The following FAM13C variants were observed in gnomAD, a reference collection of about 807,000 sequenced individuals.
FAM13C encodes the protein family with sequence similarity 13 member C.
In FAM13C, 37 loss-of-function variants were observed where a neutral mutation model predicts 73.2. The ratio of observed to expected loss-of-function variants is 0.51; its 90% CI spans 0.39 to 0.67. The LOEUF is 0.67. Among genes scored for constraint, FAM13C ranks in the 30% least tolerant of loss-of-function variants. FAM13C has a pLI of 0.00. For missense variants in FAM13C, 589 were observed against 715.6 expected, an observed-to-expected ratio of 0.82 and a Z score of 2.02; for synonymous variants, 246 against 260.9, an observed-to-expected ratio of 0.94 and a Z score of 0.55.
At chr10:59,358,708 G>A (rs559411810) in intron 1 of FAM13C, among the ~76,000 whole-genome samples, 9 of 152,272 alleles carry the variant, frequency 5.9e-5, no homozygotes, top group Admixed American at 2.6e-4. Flanking sequence ...CCCCTCATTT[G>A]ATTTATTAAT....
At chr10:59,290,147 C>A (rs1166879638) in intron 5 of FAM13C, among the ~76,000 whole-genome samples, 1 of 152,186 alleles carries the variant, frequency 6.6e-6, no homozygotes, top group African/African-American at 2.4e-5. Context: ...TTAGAAAATA[C>A]TCTACTCATT....
At chr10:59,329,079 C>T (rs370412177) in intron 3 of FAM13C, among the ~76,000 whole-genome samples, 1 of 152,068 alleles carries the variant, frequency 6.6e-6, no homozygotes, top group African/African-American at 2.4e-5. Context: ...GGGTAAAGAG[C>T]GTCCTGTACG....
chr10:59,317,610 A>G (rs945572318), intron 4 of FAM13C, among the ~76,000 whole-genome samples: 2 of 152,124 alleles, frequency 1.3e-5, no homozygotes, highest in African/African-American at 2.4e-5. Context: ...TAATTAACCT[A>G]CTGCTTATTA....
At chr10:59,302,565 G>T (rs1240709025) in intron 5 of FAM13C, among the ~76,000 whole-genome samples, 1 of 152,128 alleles carries the variant, frequency 6.6e-6, no homozygotes, top group Non-Finnish European at 1.5e-5. Flanking sequence ...AATGACTGCT[G>T]GACTTGGGTT....
At chr10:59,260,619 A>G (rs536915613) in intron 10 of FAM13C, among the ~76,000 whole-genome samples, 134 of 152,242 alleles carry the variant, frequency 8.8e-4, no homozygotes, top group African/African-American at 3.1e-3. Context: ...TATCCTGCAT[A>G]GTACTTATCA....
intron 4 of FAM13C, among the ~76,000 whole-genome samples, chr10:59,310,100 C>T (rs184067633): frequency 1.3e-5 from 2 of 152,272 alleles, no homozygotes; most frequent in Admixed American, 1.3e-4. Flanking sequence ...AAGAGAGCAT[C>T]CAACACACTT....
chr10:59,250,642 C>A (rs1182474450), intron 13 of FAM13C, among the ~76,000 whole-genome samples: 2 of 152,174 alleles, frequency 1.3e-5, no homozygotes, highest in African/African-American at 4.8e-5. Context: ...CCTCAACCTG[C>A]TGAACTGAAA....
At chr10:59,261,115 T>C (rs1216658704) in intron 10 of FAM13C, among the ~76,000 whole-genome samples, 1 of 152,152 alleles carries the variant, frequency 6.6e-6, no homozygotes, top group Non-Finnish European at 1.5e-5. Flanking sequence ...TTCAGAAGCA[T>C]TGAAGGATGG....
At chr10:59,287,912 C>T (rs1026578707) in intron 5 of FAM13C, among the ~76,000 whole-genome samples, 2 of 152,202 alleles carry the variant, frequency 1.3e-5, no homozygotes, top group Admixed American at 6.5e-5. Context: ...CTTTACCCCC[C>T]AGGGTCTTAT....
intron 10 of FAM13C, among the ~76,000 whole-genome samples, chr10:59,259,838 T>A (rs1842319452): frequency 6.6e-6 from 1 of 152,170 alleles, no homozygotes; most frequent in African/African-American, 2.4e-5. Flanking sequence ...CATGCCTCAG[T>A]AGGATGACCA....
chr10:59,307,216 G>C (rs1278662242), intron 4 of FAM13C, among the ~76,000 whole-genome samples: 3 of 152,162 alleles, frequency 2.0e-5, no homozygotes, highest in Non-Finnish European at 4.4e-5. Context: ...GGCACTCTAA[G>C]TGTGTTCAGC....
At chr10:59,286,542 TTCATC>T (rs1845586301) in intron 5 of FAM13C, among the ~76,000 whole-genome samples, 2 of 140,672 alleles carry the variant, frequency 1.4e-5, no homozygotes, top group African/African-American at 2.6e-5. Flanking sequence ...TATATATATA[TTCATC>T]ATACAGAAAG....
At position 59,271,209 on chromosome 10, in the gene FAM13C, T is replaced by C. The variant is rs188870670; in HGVS notation, c.593-1100A>G. ...TCCAACGAAAGGGGAAAACAAAAGATTTTCTGGATGAATAAGCAGAATCAG... is the reference window on the plus strand; with the variant it reads ...TCCAACGAAAGGGGAAAACAAAAGACTTTCTGGATGAATAAGCAGAATCAG... On this transcript the variant is annotated intron_variant, in intron 6 of 13. Transcript: ENST00000618804. Among the ~76,000 whole-genome samples, 43 of 152,330 alleles carry C rather than the reference T, an allele frequency of 2.8e-4. No homozygotes were observed. The East Asian group carries it at 6.9e-3, about 25-fold the overall frequency.
At chr10:59,302,765 A>C in intron 5 of FAM13C, 36 bp downstream of exon 5, 1 of 1,579,500 alleles carries the variant, frequency 6.3e-7, no homozygotes. Flanking sequence ...TGATTGGCTA[A>C]TTCATGTTCT....
Position 59,246,510 on chromosome 10 carries a change from T to TTGG in FAM13C, c.*1101_*1103dup, listed in dbSNP as rs1217203564. 5.1e-6 allele frequency: 2 copies of TTGG among 390,832 alleles called. No homozygotes were observed. Among genetic ancestry groups the TTGG allele is most frequent in the Non-Finnish European group, 9.0e-6 (2 of 221,110 alleles). The allele number at this position is 390,832 out of a possible 1,614,324, so 24.2% of individuals were successfully genotyped here. A position where few individuals can be genotyped will look rare whatever the true frequency, so the allele number is the denominator to read the frequency against. On this transcript the variant is annotated 3_prime_UTR_variant, in exon 14 of 14. Coordinates refer to ENST00000618804, the MANE Select transcript of FAM13C (RefSeq NM_198215.4). Reference sequence around the variant, plus strand: ...ACAGAAAATAGAAATACAAACAAGGTTGGTACATGAGAGAAAATGTTGACC... The same window carrying TTGG: ...ACAGAAAATAGAAATACAAACAAGGTTGGTGGTACATGAGAGAAAATGTTGACC...
chr10:59,337,501 G>A (rs546483226), intron 3 of FAM13C, among the ~76,000 whole-genome samples: 3 of 152,174 alleles, frequency 2.0e-5, no homozygotes, highest in Non-Finnish European at 4.4e-5. Flanking sequence ...TGACTGGCTA[G>A]CTTACAAAAG....
chr10:59,318,137 CTTAT>C (rs1481117328), intron 4 of FAM13C, among the ~76,000 whole-genome samples: 4 of 151,868 alleles, frequency 2.6e-5, no homozygotes, highest in African/African-American at 9.7e-5. Context: ...CAGTGTTTCA[CTTAT>C]TTGATTATTA....
chr10:59,277,937 C>T (rs1272242014), intron 6 of FAM13C, among the ~76,000 whole-genome samples: 2 of 152,140 alleles, frequency 1.3e-5, no homozygotes, highest in African/African-American at 2.4e-5. Flanking sequence ...TGTATTAGTT[C>T]GTTTTCATGT....
At position 59,265,333 on chromosome 10, in the gene FAM13C, G is replaced by GC. The variant is rs1375857639; in HGVS notation, c.943-1168_943-1167insG. 9.6e-4 allele frequency among the ~76,000 whole-genome samples: 58 copies of GC among 60,330 alleles called. 2 individuals are homozygous for GC. The highest frequency in any genetic ancestry group is 2.3e-3 in the South Asian group (3 of 1,292). The allele number at this position is 60,330 out of a possible 152,430, so 39.6% of individuals were successfully genotyped here. On this transcript the variant is annotated intron_variant, in intron 8 of 13. Coordinates refer to ENST00000618804, the MANE Select transcript of FAM13C (RefSeq NM_198215.4). ...GGAAGGGGTTTTGGCGGGGGGGGGGGGGAATCCTGGTTTCAGGACCATGGA... is the reference window on the plus strand; with the variant it reads ...GGAAGGGGTTTTGGCGGGGGGGGGGGCGGAATCCTGGTTTCAGGACCATGGA...
Sources: allele counts gnomAD v4.1 joint callset (sites outside exome capture counted in the v4.1 genomes callset), GRCh38; gene constraint gnomAD v4.1.1; transcripts MANE v1.5; gene names NCBI Gene and HGNC (gene_info 2026-07-23, HGNC 2026-07-21).